Variants in KMT2E observed in about 807,000 individuals in gnomAD.
KMT2E encodes the protein histone reader KMT2E.
A neutral mutation model predicts 184.6 loss-of-function variants in KMT2E; 30 were observed. That is an observed-to-expected ratio of 0.16 (90% CI 0.12 to 0.22). The LOEUF is 0.22. Among genes scored for constraint, KMT2E ranks in the 10% least tolerant of loss-of-function variants. The pLI, the probability that KMT2E is intolerant of heterozygous loss-of-function variation, is 1.00. For synonymous variants in KMT2E, 815 were observed against 776.5 expected (o/e 1.05, Z -0.82); for missense variants, 2,023 against 2,237.4 (o/e 0.90, Z 1.93).
At position 105,105,992 on chromosome 7, in the gene KMT2E, G is replaced by A; in HGVS notation, c.2585G>A (p.Cys862Tyr). Residue 862 changes from cysteine to tyrosine, a missense_variant, in exon 19 of 27, where the codon TGT (cysteine) becomes TAT (tyrosine). Cys to Tyr is a radical substitution (Grantham distance 194, BLOSUM62 -2). This residue lies in a region of KMT2E where 514 missense variants were observed against 621.8 expected (regional missense o/e 0.83). Coordinates refer to ENST00000311117, the MANE Select transcript of KMT2E (RefSeq NM_182931.3). ...NKSPLLLNDSCSLPDLTTPLK... is the reference protein window; with the variant it reads ...NKSPLLLNDSYSLPDLTTPLK... ...AGTCCACTACTATTAAATGACAGCTGTTCCCTTCCAGGTAGAATTTTTTTT... is the reference window on the plus strand; with the variant it reads ...AGTCCACTACTATTAAATGACAGCTATTCCCTTCCAGGTAGAATTTTTTTT... 1.2e-6 allele frequency: 2 copies of A among 1,604,830 alleles called. No individual in the cohort carries two copies. The highest frequency in any genetic ancestry group is 8.5e-7 in the Non-Finnish European group (1 of 1,177,726).
intron 3 of KMT2E, among the ~76,000 whole-genome samples, chr7:105,055,676 C>G (rs1005482303): frequency 1.3e-5 from 2 of 152,146 alleles, no homozygotes; most frequent in Non-Finnish European, 1.5e-5. Context: ...CTTAGAGAAA[C>G]GTGCTTAAAT....
chr7:105,093,891 A>T (rs1200086019), intron 15 of KMT2E, among the ~76,000 whole-genome samples: 1 of 152,204 alleles, frequency 6.6e-6, no homozygotes, highest in East Asian at 1.9e-4. Context: ...GAAACTGAGT[A>T]TTTTTCATGG....
At chr7:105,033,484 C>CT (rs909592035) in intron 1 of KMT2E, among the ~76,000 whole-genome samples, 25 of 151,664 alleles carry the variant, frequency 1.6e-4, no homozygotes, top group African/African-American at 5.1e-4. Context: ...GTTTGTTTTG[C>CT]TTTTTTTTGT....
At chr7:105,019,710 A>G (rs1794868304) in intron 1 of KMT2E, among the ~76,000 whole-genome samples, 1 of 152,172 alleles carries the variant, frequency 6.6e-6, no homozygotes, top group Non-Finnish European at 1.5e-5. Flanking sequence ...TTTTACGACA[A>G]TTGGACAGAG....
rs1407416894 is a variant in KMT2E at position 105,113,255 on chromosome 7, G to A, written c.5499G>A (p.Val1833=). ...GVQGPQQASP[V]PGQIPIHRAQ... is the part of the protein sequence containing the mutation. The stretch of plus-strand genomic sequence containing the variant: ...AAGGACCTCAGCAGGCATCTCCAGT[G>A]CCTGGACAGATTCCAATTCACAGAG... The change falls in exon 27 of 27, where the codon GTG becomes GTA. Residue 1833 remains valine, a synonymous_variant. Transcript: ENST00000311117. The A allele has an allele frequency of 2.5e-6, 4 of 1,614,082 alleles. No individual in the cohort carries two copies. The highest frequency in any genetic ancestry group is 2.7e-5 in the African/African-American group (2 of 74,944).
chr7:105,109,796 A>G (rs186503209), intron 23 of KMT2E, among the ~76,000 whole-genome samples: 170 of 152,194 alleles, frequency 1.1e-3, no homozygotes, highest in Middle Eastern at 3.4e-3. Flanking sequence ...TCCTTCAAAT[A>G]AGGATAATAA....
chr7:105,063,345 A>G lies in KMT2E; in HGVS notation c.187-6A>G, dbSNP rs775927664. 1.3e-6 allele frequency: 2 copies of G among 1,583,340 alleles called. No individual in the cohort carries two copies. The highest frequency in any genetic ancestry group is 1.7e-6 in the Non-Finnish European group (2 of 1,160,128). On this transcript the variant is annotated splice_polypyrimidine_tract_variant and splice_region_variant and intron_variant, in intron 4 of 26. Coordinates refer to ENST00000311117, the MANE Select transcript of KMT2E (RefSeq NM_182931.3). ...TATTGTGCTATATTTGTGTTTAATT[A>G]TTCAGGACCATAATTATGGTGCTCG...
At chr7:105,075,782 C>A (rs867967350) in intron 8 of KMT2E, among the ~76,000 whole-genome samples, 1 of 151,914 alleles carries the variant, frequency 6.6e-6, no homozygotes, top group African/African-American at 2.4e-5. Context: ...AACTCCTGGG[C>A]TCCAGTTGAT....
chr7:105,086,481 G>A (rs1278208731), intron 13 of KMT2E, among the ~76,000 whole-genome samples: 2 of 151,982 alleles, frequency 1.3e-5, no homozygotes, highest in Non-Finnish European at 2.9e-5. Context: ...TCCCAGCACT[G>A]TGGGAGGCCA....
intron 15 of KMT2E, among the ~76,000 whole-genome samples, chr7:105,101,134 A>C (rs1798639135): frequency 6.6e-6 from 1 of 152,170 alleles, no homozygotes; most frequent in South Asian, 2.1e-4. Flanking sequence ...TTGGTAAAAC[A>C]AGGTAATTTT....
intron 3 of KMT2E, among the ~76,000 whole-genome samples, chr7:105,048,436 T>A (rs1328800432): frequency 1.3e-5 from 2 of 152,202 alleles, no homozygotes; most frequent in Admixed American, 1.3e-4. Flanking sequence ...ATTGTGACTT[T>A]AAAATTTGAT....
chr7:105,066,620 T>G (rs1797036472), intron 5 of KMT2E, 107 bp from the exon 6 acceptor site: 2 of 832,610 alleles, frequency 2.4e-6, no homozygotes, highest in Non-Finnish European at 3.8e-6. Context: ...TTAGGAGTAC[T>G]AAGCTCAAAG....
intron 3 of KMT2E, among the ~76,000 whole-genome samples, chr7:105,050,449 T>C (rs1404328162): frequency 2.6e-5 from 4 of 152,182 alleles, no homozygotes; most frequent in African/African-American, 9.7e-5. Flanking sequence ...TACCTGACTT[T>C]AAATATAATC....
intron 17 of KMT2E, 140 bp from the exon 18 acceptor site, chr7:105,105,299 T>G (rs1181479866): frequency 1.9e-6 from 1 of 536,082 alleles, no homozygotes; most frequent in Non-Finnish European, 3.1e-6. Flanking sequence ...GACATACTGA[T>G]ATTTTGATCA....
At chr7:105,030,332 T>C (rs2129564509) in intron 1 of KMT2E, among the ~76,000 whole-genome samples, 1 of 152,314 alleles carries the variant, frequency 6.6e-6, no homozygotes, top group East Asian at 1.9e-4. Flanking sequence ...AAGCATTGGT[T>C]CTTGAAGGTC....
chr7:105,034,638 CAT>C (rs1444826901), intron 1 of KMT2E, among the ~76,000 whole-genome samples: 1 of 152,130 alleles, frequency 6.6e-6, no homozygotes, highest in Non-Finnish European at 1.5e-5. Flanking sequence ...ATTATGATCA[CAT>C]GTGTGGGTAC....
rs190572071 is a variant in KMT2E, at chr7:105,038,195, T to G, written c.-119T>G. The G allele has an allele frequency of 2.3e-3, 343 of 152,336 alleles. 3 individuals carry two copies. The highest frequency in any genetic ancestry group is 8.0e-3 in the African/African-American group (332 of 41,578). 9.4% of individuals were successfully genotyped at this position (152,336 alleles called of 1,614,324 possible). ...TTGGACCTCAGATTTACCAGACATCTCATGGTATTTCCTTTTCTATTATTT... is the reference window on the plus strand; with the variant it reads ...TTGGACCTCAGATTTACCAGACATCGCATGGTATTTCCTTTTCTATTATTT... On this transcript the variant is annotated 5_prime_UTR_variant, in exon 2 of 27. Transcript: ENST00000311117.
chr7:105,053,437 A>G (rs1344327013), intron 3 of KMT2E, among the ~76,000 whole-genome samples: 1 of 152,202 alleles, frequency 6.6e-6, no homozygotes, highest in Non-Finnish European at 1.5e-5. Flanking sequence ...AGGATTAAAG[A>G]TCTAGTTTGC....
intron 7 of KMT2E, 89 bp from the exon 8 acceptor site, chr7:105,074,551 AGAC>A: frequency 4.4e-6 from 4 of 916,668 alleles, no homozygotes; most frequent in Non-Finnish European, 6.2e-6. Flanking sequence ...AGAAAGATGG[AGAC>A]GACAATACTT....
Sources: gnomAD v4.1 joint callset for allele counts (sites outside exome capture counted in the v4.1 genomes callset) on GRCh38, gnomAD v4.1.1 for gene constraint, gnomAD v4.1.1 regional missense constraint, MANE v1.5 for transcripts, NCBI Gene and HGNC (gene_info 2026-07-23, HGNC 2026-07-21) for gene names.